PPARGC1A: variants seen among roughly 807,000 people sequenced by gnomAD.
The protein encoded by PPARGC1A is peroxisome proliferator-activated receptor gamma coactivator 1-alpha.
A neutral mutation model predicts 88.7 loss-of-function variants in PPARGC1A; 25 were observed. The observed-to-expected ratio is 0.28, with a 90% CI of 0.21 to 0.39. The LOEUF is 0.39. Among genes scored for constraint, PPARGC1A ranks in the 10% least tolerant of loss-of-function variants. The pLI is 1.00. For missense variants in PPARGC1A, 880 were observed against 968.7 expected (o/e 0.91, Z 1.22); for synonymous variants, 363 against 355.6 (o/e 1.02, Z -0.24).
At chr4:24,195,192 G>T in the PPARGC1A span, among the ~76,000 whole-genome samples, 1 of 152,114 alleles carries the variant, frequency 6.6e-6, no homozygotes, top group Non-Finnish European at 1.5e-5. Context: ...TCCCAGCTCT[G>T]TTAACTAATA....
the PPARGC1A span, among the ~76,000 whole-genome samples, chr4:24,012,511 C>T: frequency 1.3e-5 from 2 of 152,078 alleles, no homozygotes; most frequent in African/African-American, 4.8e-5. Context: ...TGCCTCAGAT[C>T]TTTGATGGTC....
chr4:24,280,820 G>A, the PPARGC1A span, among the ~76,000 whole-genome samples: 51 of 152,262 alleles, frequency 3.3e-4, no homozygotes, highest in African/African-American at 1.1e-3. Flanking sequence ...GTTGTTCCTC[G>A]TCTTTGGCAT....
the PPARGC1A span, among the ~76,000 whole-genome samples, chr4:24,444,125 G>A: frequency 5.3e-5 from 8 of 151,858 alleles, no homozygotes; most frequent in Non-Finnish European, 1.2e-4. Context: ...CCGCCTCCCA[G>A]GGTTCAAGCG....
the PPARGC1A span, among the ~76,000 whole-genome samples, chr4:24,382,433 A>T: frequency 1.3e-5 from 2 of 152,194 alleles, no homozygotes; most frequent in African/African-American, 2.4e-5. Flanking sequence ...TCAGAACTTA[A>T]AAGGCAGGAA....
chr4:24,364,135 T>C, the PPARGC1A span, among the ~76,000 whole-genome samples: 2 of 152,210 alleles, frequency 1.3e-5, no homozygotes, highest in South Asian at 4.1e-4. Flanking sequence ...AACTATCCAC[T>C]GTGGATGATC....
the PPARGC1A span, among the ~76,000 whole-genome samples, chr4:24,317,840 T>C: frequency 6.6e-6 from 1 of 152,136 alleles, no homozygotes; most frequent in African/African-American, 2.4e-5. Flanking sequence ...GCCTGGTTTT[T>C]TGTTTGGGAA....
At chr4:24,315,756 C>T in the PPARGC1A span, among the ~76,000 whole-genome samples, 4 of 152,154 alleles carry the variant, frequency 2.6e-5, no homozygotes, top group Non-Finnish European at 5.9e-5. Flanking sequence ...AGGACACCCT[C>T]CCACAACAAG....
chr4:24,326,463 A>C, the PPARGC1A span, among the ~76,000 whole-genome samples: 1 of 151,822 alleles, frequency 6.6e-6, no homozygotes, highest in East Asian at 1.9e-4. Context: ...GATCTCAAAC[A>C]TGCTTTCTTT....
the PPARGC1A span, among the ~76,000 whole-genome samples, chr4:24,425,636 G>C: frequency 6.6e-6 from 1 of 152,178 alleles, no homozygotes; most frequent in Admixed American, 6.5e-5. Flanking sequence ...ATATGTAAAA[G>C]AAGTTAAAAG....
the PPARGC1A span, among the ~76,000 whole-genome samples, chr4:24,144,339 C>T: frequency 6.6e-6 from 1 of 152,116 alleles, no homozygotes; most frequent in Non-Finnish European, 1.5e-5. Flanking sequence ...CTTATTAGGA[C>T]ATTCAGTGAC....
chr4:24,305,206 G>GT, the PPARGC1A span, among the ~76,000 whole-genome samples: 1 of 146,546 alleles, frequency 6.8e-6, no homozygotes, highest in Non-Finnish European at 1.5e-5. Flanking sequence ...CAAAGTCGTG[G>GT]TTTTTTTGCC....
chr4:24,294,587 C>G, the PPARGC1A span, among the ~76,000 whole-genome samples: 138 of 152,128 alleles, frequency 9.1e-4, 2 homozygotes, highest in African/African-American at 3.3e-3. Flanking sequence ...ACTTCCCCAC[C>G]CCCACTCCCA....
the PPARGC1A span, among the ~76,000 whole-genome samples, chr4:24,384,308 G>C: frequency 1.3e-5 from 2 of 151,996 alleles, no homozygotes; most frequent in Admixed American, 1.3e-4. Flanking sequence ...ATTGATGCTA[G>C]GAAAAAACTG....
chr4:24,065,579 T>C, the PPARGC1A span, among the ~76,000 whole-genome samples: 1 of 152,134 alleles, frequency 6.6e-6, no homozygotes, highest in African/African-American at 2.4e-5. Context: ...GGTGTCTCTA[T>C]TGAGAATGGC....
the PPARGC1A span, among the ~76,000 whole-genome samples, chr4:24,208,447 A>G: frequency 1.3e-5 from 2 of 152,154 alleles, no homozygotes; most frequent in Admixed American, 6.5e-5. Context: ...TTCTAGGGGC[A>G]TTACCTAGCC....
the PPARGC1A span, among the ~76,000 whole-genome samples, chr4:24,411,419 C>T: frequency 1.6e-4 from 25 of 152,192 alleles, no homozygotes; most frequent in African/African-American, 6.0e-4. Context: ...ACAGAGAGAT[C>T]TCATATACCC....
intron 2 of PPARGC1A, among the ~76,000 whole-genome samples, chr4:23,867,507 G>A (rs774280406): frequency 5.8e-4 from 88 of 152,314 alleles, no homozygotes; most frequent in Middle Eastern, 6.8e-3. Flanking sequence ...AGACTGTCCC[G>A]TCTAAAAAAG....
chr4:24,426,816 C>T, the PPARGC1A span, among the ~76,000 whole-genome samples: 2 of 152,066 alleles, frequency 1.3e-5, no homozygotes, highest in African/African-American at 4.8e-5. Flanking sequence ...TACCTTAGGG[C>T]AATAGTTCTA....
At chr4:24,177,720 A>G in the PPARGC1A span, among the ~76,000 whole-genome samples, 1 of 151,736 alleles carries the variant, frequency 6.6e-6, no homozygotes, top group Admixed American at 6.6e-5. Context: ...TGCCCAGTAG[A>G]TAGCTAGGTA....
Sources: allele counts gnomAD v4.1 joint callset (sites outside exome capture counted in the v4.1 genomes callset), GRCh38; gene constraint gnomAD v4.1.1; transcripts MANE v1.5; gene names NCBI Gene and HGNC (gene_info 2026-07-23, HGNC 2026-07-21).